B3GALT1: variants seen among roughly 807,000 people sequenced by gnomAD.
B3GALT1 encodes the protein beta-1,3-galactosyltransferase 1, also known as UDP-Gal:betaGlcNAc beta 1,3-galactosyltransferase, polypeptide 1.
A neutral mutation model predicts 23.2 loss-of-function variants in B3GALT1; 10 were observed. The ratio of observed to expected loss-of-function variants is 0.43; its 90% CI spans 0.27 to 0.73. The LOEUF is 0.73. Among genes scored for constraint, B3GALT1 ranks in the 30% least tolerant of loss-of-function variants. The probability of loss-of-function intolerance (pLI) is 0.21; values close to 1 mark genes in which losing one functional copy is unlikely to be tolerated. For missense variants in B3GALT1, 299 were observed against 405.4 expected, an observed-to-expected ratio of 0.74 and a Z score of 2.25; for synonymous variants, 156 against 141.5, an observed-to-expected ratio of 1.10 and a Z score of -0.73.
At chr2:167,547,649 C>T (rs1201907988) in intron 2 of B3GALT1, among the ~76,000 whole-genome samples, 1 of 145,820 alleles carries the variant, frequency 6.9e-6, no homozygotes, top group Non-Finnish European at 1.5e-5. Flanking sequence ...GAGCTGATAC[C>T]ATGCACTGTA....
At chr2:167,499,213 A>T (rs1344227475) in intron 2 of B3GALT1, among the ~76,000 whole-genome samples, 1 of 152,166 alleles carries the variant, frequency 6.6e-6, no homozygotes, top group Admixed American at 6.6e-5. Context: ...CGTTAGTTGC[A>T]TGTTGATTTT....
chr2:167,803,072 A>C (rs4667978), intron 3 of B3GALT1, among the ~76,000 whole-genome samples: 38,941 of 142,492 alleles, frequency 0.27, 5,673 homozygotes, highest in African/African-American at 0.41. Context: ...TGTTCATTTG[A>C]CCCTAACAAA....
At chr2:167,836,257 G>T (rs1172928964) in intron 4 of B3GALT1, among the ~76,000 whole-genome samples, 1 of 152,078 alleles carries the variant, frequency 6.6e-6, no homozygotes, top group Non-Finnish European at 1.5e-5. Context: ...CAAACCAAAG[G>T]CAAAGAAGTT....
Position 167,526,643 on chromosome 2 carries a change from G to T in B3GALT1, c.-410+36366G>T, listed in dbSNP as rs73024095. Among the ~76,000 whole-genome samples the T allele has an allele frequency of 8.4e-3, 1,274 of 152,280 alleles. 20 individuals carry two copies. Among genetic ancestry groups the T allele is most frequent in the African/African-American group, 0.029 (1,213 of 41,550 alleles). ...ATATGCACACCTGTCTCATAGGCACGAGTGCCCAAGAACTCATGCATAGGA... is the reference window on the plus strand; with the variant it reads ...ATATGCACACCTGTCTCATAGGCACTAGTGCCCAAGAACTCATGCATAGGA... On this transcript the variant is annotated intron_variant, in intron 2 of 4. Coordinates refer to ENST00000392690, the MANE Select transcript of B3GALT1 (RefSeq NM_020981.4).
At chr2:167,473,334 C>T (rs1158440701) in intron 1 of B3GALT1, among the ~76,000 whole-genome samples, 1 of 152,118 alleles carries the variant, frequency 6.6e-6, no homozygotes, top group Non-Finnish European at 1.5e-5. Flanking sequence ...TGCTAGGCAA[C>T]AAACTTTGTT....
At chr2:167,644,540 G>A (rs918861238) in intron 2 of B3GALT1, among the ~76,000 whole-genome samples, 2 of 152,050 alleles carry the variant, frequency 1.3e-5, no homozygotes, top group African/African-American at 2.4e-5. Context: ...CAGCACTTTG[G>A]TAGGCTAAGG....
At chr2:167,652,706 C>T (rs1685888548) in intron 3 of B3GALT1, among the ~76,000 whole-genome samples, 1 of 152,122 alleles carries the variant, frequency 6.6e-6, no homozygotes, top group South Asian at 2.1e-4. Flanking sequence ...TCATGTCTCC[C>T]ACTTCCTGCA....
intron 3 of B3GALT1, among the ~76,000 whole-genome samples, chr2:167,665,620 G>A (rs1296323405): frequency 1.3e-5 from 2 of 151,770 alleles, no homozygotes; most frequent in Non-Finnish European, 2.9e-5. Flanking sequence ...GTAAGCTATT[G>A]ATTATTGCCA....
At position 167,381,374 on chromosome 2, in the gene B3GALT1, T is replaced by C. The variant is rs111979200; in HGVS notation, c.-511+88040T>C. Among the ~76,000 whole-genome samples, 1,114 of 152,302 alleles carry C rather than the reference T, an allele frequency of 7.3e-3. 16 individuals carry two copies. The highest frequency in any genetic ancestry group is 0.025 in the African/African-American group (1,056 of 41,556). The stretch of plus-strand genomic sequence containing the variant: ...CTATGCACCTGGACCTGCTTTTGTT[T>C]TCAATGGAATTTTATTTCAAATTTT... On this transcript the variant is annotated intron_variant, in intron 1 of 4. Coordinates refer to ENST00000392690, the MANE Select transcript of B3GALT1 (RefSeq NM_020981.4).
At chr2:167,349,011 G>A (rs935149241) in intron 1 of B3GALT1, among the ~76,000 whole-genome samples, 1 of 152,072 alleles carries the variant, frequency 6.6e-6, no homozygotes, top group Non-Finnish European at 1.5e-5. Flanking sequence ...TTAGAAACTG[G>A]TCATGTTTCA....
intron 2 of B3GALT1, among the ~76,000 whole-genome samples, chr2:167,573,505 G>T (rs994689543): frequency 2.0e-5 from 3 of 151,648 alleles, no homozygotes; most frequent in Non-Finnish European, 4.4e-5. Flanking sequence ...ATGATGGCTT[G>T]TGGGAATTAT....
chr2:167,681,805 G>A (rs908171275), intron 3 of B3GALT1, among the ~76,000 whole-genome samples: 2 of 152,148 alleles, frequency 1.3e-5, no homozygotes, highest in East Asian at 1.9e-4. Flanking sequence ...TCATGGCACC[G>A]TGCAGGCCCT....
At chr2:167,718,597 A>G (rs1229432584) in intron 3 of B3GALT1, among the ~76,000 whole-genome samples, 1 of 152,212 alleles carries the variant, frequency 6.6e-6, no homozygotes. Flanking sequence ...AAATTATTTC[A>G]TACAAATGTA....
intron 1 of B3GALT1, among the ~76,000 whole-genome samples, chr2:167,451,706 G>A (rs781575090): frequency 6.6e-6 from 1 of 152,180 alleles, no homozygotes; most frequent in African/African-American, 2.4e-5. Context: ...GAGAACATCA[G>A]CTGAGGTAGT....
At chr2:167,351,242 C>T (rs1486524194) in intron 1 of B3GALT1, among the ~76,000 whole-genome samples, 1 of 146,874 alleles carries the variant, frequency 6.8e-6, no homozygotes, top group Non-Finnish European at 1.5e-5. Context: ...GCACTCCAGC[C>T]TGGGCAATAG....
intron 1 of B3GALT1, among the ~76,000 whole-genome samples, chr2:167,357,342 T>C (rs1292319206): frequency 6.6e-6 from 1 of 152,030 alleles, no homozygotes; most frequent in Non-Finnish European, 1.5e-5. Context: ...AATATGTAGT[T>C]AAAAAACCAA....
chr2:167,642,649 C>G (rs1464035129), intron 2 of B3GALT1, among the ~76,000 whole-genome samples: 1 of 152,170 alleles, frequency 6.6e-6, no homozygotes, highest in Non-Finnish European at 1.5e-5. Context: ...CTTCATCTCT[C>G]TATACTCACT....
chr2:167,561,122 A>G (rs1420269540), intron 2 of B3GALT1, among the ~76,000 whole-genome samples: 4 of 152,258 alleles, frequency 2.6e-5, no homozygotes, highest in South Asian at 2.1e-4. Flanking sequence ...CCACAGTGCT[A>G]TCAAACTAGA....
chr2:167,661,798 A>G (rs770592624), intron 3 of B3GALT1, among the ~76,000 whole-genome samples: 1 of 152,092 alleles, frequency 6.6e-6, no homozygotes, highest in Non-Finnish European at 1.5e-5. Context: ...CAAAGGATAA[A>G]TTAGTCAGGG....
Sources: gnomAD v4.1 joint callset for allele counts (sites outside exome capture counted in the v4.1 genomes callset) on GRCh38, gnomAD v4.1.1 for gene constraint, MANE v1.5 for transcripts, NCBI Gene and HGNC (gene_info 2026-07-23, HGNC 2026-07-21) for gene names.